SOX5: variants seen among roughly 807,000 people sequenced by gnomAD.
SOX5 encodes the protein transcription factor SOX-5.
SOX5 carries 9 observed loss-of-function variants against 92.0 expected under a neutral mutation model. That is an observed-to-expected ratio of 0.10 (90% CI 0.06 to 0.17). The LOEUF is 0.17. SOX5 is among the 10% of genes least tolerant of loss of function. The pLI, the probability that SOX5 is intolerant of heterozygous loss-of-function variation, is 1.00. For missense variants in SOX5, 642 were observed against 944.5 expected (o/e 0.68, Z 4.20); for synonymous variants, 344 against 336.3 (o/e 1.02, Z -0.25).
chr12:23,822,686 G>C (rs761470522), intron 3 of SOX5, among the ~76,000 whole-genome samples: 1 of 152,116 alleles, frequency 6.6e-6, no homozygotes, highest in Non-Finnish European at 1.5e-5. Context: ...TTAATTTTCT[G>C]TCTTGTTGAT....
chr12:23,908,262 T>C (rs1022498374), intron 1 of SOX5, among the ~76,000 whole-genome samples: 7 of 151,668 alleles, frequency 4.6e-5, no homozygotes, highest in African/African-American at 7.3e-5. Context: ...AGAGAATGCT[T>C]CCCCCCAGCA....
chr12:23,904,574 A>C (rs1257260853), intron 1 of SOX5, among the ~76,000 whole-genome samples: 1 of 152,208 alleles, frequency 6.6e-6, no homozygotes, highest in Non-Finnish European at 1.5e-5. Context: ...ATATTTACTT[A>C]TGAATAAATT....
chr12:24,264,307 A>G (rs914420345), intron 3 of SOX5, among the ~76,000 whole-genome samples: 3 of 152,220 alleles, frequency 2.0e-5, no homozygotes, highest in Non-Finnish European at 4.4e-5. Flanking sequence ...TAAAATAGCT[A>G]GTAAATCTAT....
intron 1 of SOX5, among the ~76,000 whole-genome samples, chr12:24,496,093 G>A (rs1947607913): frequency 6.6e-6 from 1 of 152,144 alleles, no homozygotes; most frequent in African/African-American, 2.4e-5. Context: ...CAGAGTTGAA[G>A]AACAGTAGTC....
At chr12:23,744,806 A>G (rs2093925559) in intron 4 of SOX5, among the ~76,000 whole-genome samples, 4 of 152,150 alleles carry the variant, frequency 2.6e-5, no homozygotes, top group Admixed American at 2.6e-4. Context: ...AGTACCACAG[A>G]CTGGGTGGTT....
chr12:24,056,463 A>G (rs1958114610), intron 4 of SOX5, among the ~76,000 whole-genome samples: 1 of 152,224 alleles, frequency 6.6e-6, no homozygotes, highest in East Asian at 1.9e-4. Context: ...TTACAAAATT[A>G]ATATTGGATT....
In SOX5 at chr12:24,150,759, A is replaced by T. The variant is rs1390413528; in HGVS notation, c.-2+62584T>A. Reference sequence around the variant, plus strand: ...AGTCAATACCTCACATTCAGCAGAGACACCAAGTAAAACAAGGGCTGCATC... The same window carrying T: ...AGTCAATACCTCACATTCAGCAGAGTCACCAAGTAAAACAAGGGCTGCATC... On this transcript the variant is annotated intron_variant, in intron 4 of 4. Coordinates refer to the SOX5 transcript ENST00000446891. Among the ~76,000 whole-genome samples, 4 of 152,262 alleles carry T rather than the reference A, an allele frequency of 2.6e-5. No individual in the cohort carries two copies. In the East Asian group the frequency reaches 7.7e-4, roughly 29 times the overall value.
At chr12:23,890,292 C>A (rs2097115365) in intron 2 of SOX5, among the ~76,000 whole-genome samples, 1 of 150,860 alleles carries the variant, frequency 6.6e-6, no homozygotes. Context: ...TGCACTCCAG[C>A]CTAGGCAACA....
At chr12:23,574,972 T>A (rs1203393890) in intron 10 of SOX5, among the ~76,000 whole-genome samples, 2 of 152,120 alleles carry the variant, frequency 1.3e-5, no homozygotes, top group African/African-American at 4.8e-5. Flanking sequence ...AACTAAACCA[T>A]GAGCTCCTTG....
intron 2 of SOX5, among the ~76,000 whole-genome samples, chr12:24,297,778 T>C (rs191954840): frequency 1.4e-3 from 216 of 152,290 alleles, no homozygotes; most frequent in Non-Finnish European, 2.5e-3. Context: ...TGCAAGGGAA[T>C]ACTGTACCAG....
At chr12:23,663,901 C>G (rs563670487) in intron 7 of SOX5, among the ~76,000 whole-genome samples, 8 of 151,826 alleles carry the variant, frequency 5.3e-5, no homozygotes, top group African/African-American at 1.5e-4. Context: ...TAGGACGATG[C>G]GGAAAATAAT....
At chr12:24,550,471 A>G (rs918481293) in intron 1 of SOX5, among the ~76,000 whole-genome samples, 3 of 152,202 alleles carry the variant, frequency 2.0e-5, no homozygotes, top group Non-Finnish European at 4.4e-5. Context: ...AAACAGATGG[A>G]GCCATTTCTA....
intron 4 of SOX5, among the ~76,000 whole-genome samples, chr12:24,028,384 C>T (rs904500800): frequency 5.9e-5 from 9 of 151,916 alleles, no homozygotes; most frequent in Middle Eastern, 3.2e-3. Context: ...AATAGGAGCA[C>T]GGATCAGAGT....
chr12:23,929,044 T>C (rs1940775725), intron 1 of SOX5, among the ~76,000 whole-genome samples: 1 of 151,746 alleles, frequency 6.6e-6, no homozygotes, highest in African/African-American at 2.4e-5. Flanking sequence ...AAATGCCTTC[T>C]ACGAAACAAA....
At chr12:23,570,611 T>TA (rs919684313) in intron 10 of SOX5, among the ~76,000 whole-genome samples, 6 of 151,312 alleles carry the variant, frequency 4.0e-5, no homozygotes, top group Non-Finnish European at 8.8e-5. Flanking sequence ...AACCCATCTC[T>TA]AAAAAAATAC....
intron 1 of SOX5, among the ~76,000 whole-genome samples, chr12:24,397,096 G>A (rs182100948): frequency 4.9e-4 from 75 of 152,244 alleles, no homozygotes; most frequent in African/African-American, 1.8e-3. Context: ...TTTGAGGTGC[G>A]TGTTTAGAAA....
intron 1 of SOX5, among the ~76,000 whole-genome samples, chr12:24,485,037 C>A (rs913391010): frequency 1.3e-5 from 2 of 152,034 alleles, no homozygotes; most frequent in African/African-American, 4.8e-5. Flanking sequence ...TTACAAGGTT[C>A]GGACAGATGG....
chr12:24,415,509 A>G (rs1396325437), intron 1 of SOX5, among the ~76,000 whole-genome samples: 1 of 152,168 alleles, frequency 6.6e-6, no homozygotes, highest in East Asian at 1.9e-4. Context: ...CTAAATCCCA[A>G]ATTAGTCCCC....
intron 4 of SOX5, among the ~76,000 whole-genome samples, chr12:24,154,335 TACTG>T (rs2138876562): frequency 6.6e-6 from 1 of 152,294 alleles, no homozygotes; most frequent in African/African-American, 2.4e-5. Flanking sequence ...TAGAGCCCAT[TACTG>T]ACTATTATGA....
Sources: gnomAD v4.1 joint callset for allele counts (sites outside exome capture counted in the v4.1 genomes callset) on GRCh38, gnomAD v4.1.1 for gene constraint, MANE v1.5 for transcripts, NCBI Gene and HGNC (gene_info 2026-07-23, HGNC 2026-07-21) for gene names.